The following SPMIP7 variants were observed in gnomAD, a reference collection of about 807,000 sequenced individuals.
The protein encoded by SPMIP7 is protein SPMIP7.
the SPMIP7 span, among the ~76,000 whole-genome samples, chr7:50,137,908 G>A: frequency 6.6e-6 from 1 of 151,938 alleles, no homozygotes; most frequent in East Asian, 1.9e-4. Context: ...ATCCTTTCTT[G>A]GTAATATGAA....
chr7:50,097,796 A>C, the SPMIP7 span, among the ~76,000 whole-genome samples: 1 of 152,166 alleles, frequency 6.6e-6, no homozygotes, highest in Non-Finnish European at 1.5e-5. Context: ...AAGAAGTCCA[A>C]AATTTTCAGT....
At chr7:50,129,875 A>G in the SPMIP7 span, 2 of 847,940 alleles carry the variant, frequency 2.4e-6, no homozygotes, top group Non-Finnish European at 3.8e-6. Flanking sequence ...TGTCTATAAT[A>G]TCCTGGATCT....
At chr7:50,129,400 C>T in the SPMIP7 span, among the ~76,000 whole-genome samples, 1 of 152,088 alleles carries the variant, frequency 6.6e-6, no homozygotes, top group Middle Eastern at 3.4e-3. Flanking sequence ...ACAATACGTT[C>T]TAAAATTTTT....
chr7:50,123,803 G>GA, the SPMIP7 span, among the ~76,000 whole-genome samples: 6 of 133,814 alleles, frequency 4.5e-5, no homozygotes, highest in East Asian at 4.0e-4. Context: ...CAAAAAGACA[G>GA]AAAAAAAAGG....
At chr7:50,132,429 C>T in the SPMIP7 span, among the ~76,000 whole-genome samples, 1 of 152,084 alleles carries the variant, frequency 6.6e-6, no homozygotes, top group African/African-American at 2.4e-5. Flanking sequence ...GGTTGTGATA[C>T]TTCACTCAGA....
chr7:50,127,632 T>TATATATATAC, the SPMIP7 span, among the ~76,000 whole-genome samples: 1 of 149,160 alleles, frequency 6.7e-6, no homozygotes, highest in Admixed American at 6.7e-5. Context: ...TATATATATA[T>TATATATATAC]ATACTGATTA....
the SPMIP7 span, among the ~76,000 whole-genome samples, chr7:50,139,440 A>T: frequency 6.6e-6 from 1 of 152,048 alleles, no homozygotes; most frequent in African/African-American, 2.4e-5. Flanking sequence ...TTAAAATGTA[A>T]TTTTTTTCTA....
the SPMIP7 span, chr7:50,096,407 T>C: frequency 1.3e-6 from 2 of 1,551,880 alleles, no homozygotes; most frequent in Non-Finnish European, 1.7e-6. Flanking sequence ...TGATTCCTGT[T>C]CAGGGTTTAT....
chr7:50,105,962 A>T, the SPMIP7 span, among the ~76,000 whole-genome samples: 2 of 152,236 alleles, frequency 1.3e-5, no homozygotes, highest in Admixed American at 6.5e-5. Flanking sequence ...GCAAGATTCC[A>T]TGCTTTAACT....
At chr7:50,125,385 C>A in the SPMIP7 span, among the ~76,000 whole-genome samples, 33 of 145,440 alleles carry the variant, frequency 2.3e-4, no homozygotes, top group Non-Finnish European at 2.8e-4. Flanking sequence ...CACATATACA[C>A]ACATATATAT....
the SPMIP7 span, among the ~76,000 whole-genome samples, chr7:50,123,435 G>T: frequency 8.8e-6 from 1 of 113,210 alleles, no homozygotes; most frequent in Non-Finnish European, 1.8e-5. Flanking sequence ...GGGAAGGGGG[G>T]AGGGATAGCA....
chr7:50,139,210 G>A, the SPMIP7 span, among the ~76,000 whole-genome samples: 1 of 151,924 alleles, frequency 6.6e-6, no homozygotes, highest in Non-Finnish European at 1.5e-5. Context: ...TTAGCTGGGT[G>A]TGGTGGCACG....
the SPMIP7 span, chr7:50,117,201 C>T: frequency 6.1e-4 from 278 of 453,298 alleles, no homozygotes; most frequent in Non-Finnish European, 9.5e-4. Flanking sequence ...TATGCTAAAC[C>T]TTTCACGCTG....
chr7:50,103,720 AC>A, the SPMIP7 span, among the ~76,000 whole-genome samples: 1 of 152,008 alleles, frequency 6.6e-6, no homozygotes, highest in Non-Finnish European at 1.5e-5. Context: ...AGCCCTGACA[AC>A]CTGGTTAGAC....
At chr7:50,159,124 C>A in the SPMIP7 span, 3 of 1,551,856 alleles carry the variant, frequency 1.9e-6, no homozygotes, top group Non-Finnish European at 2.6e-6. Context: ...CTGTGAGACC[C>A]TACAACCCTT....
chr7:50,099,260 C>T, the SPMIP7 span, among the ~76,000 whole-genome samples: 1 of 152,176 alleles, frequency 6.6e-6, no homozygotes, highest in Non-Finnish European at 1.5e-5. Context: ...TCCTATTCAT[C>T]ATTAAAAGTG....
At chr7:50,141,735 T>TTTTTTTTTTTTTTTTTTA in the SPMIP7 span, 1 of 136,644 alleles carries the variant, frequency 7.3e-6, no homozygotes, top group African/African-American at 2.9e-5. Context: ...CACTTTTTTT[T>TTTTTTTTTTTTTTTTTTA]TTTTTTTTTT....
the SPMIP7 span, chr7:50,141,203 A>G: frequency 1.1e-6 from 1 of 928,610 alleles, no homozygotes; most frequent in Non-Finnish European, 1.6e-6. Flanking sequence ...TTCCTTTGGA[A>G]GTTAGAATAC....
chr7:50,149,286 T>C, the SPMIP7 span, among the ~76,000 whole-genome samples: 3 of 152,176 alleles, frequency 2.0e-5, no homozygotes, highest in Non-Finnish European at 2.9e-5. Context: ...GCAATCCCCA[T>C]GTGCATGGCC....
Sources: gnomAD v4.1 joint callset for allele counts (sites outside exome capture counted in the v4.1 genomes callset) on GRCh38, gnomAD v4.1.1 for gene constraint, MANE v1.5 for transcripts, NCBI Gene and HGNC (gene_info 2026-07-23, HGNC 2026-07-21) for gene names.